Variants in ADAMTSL3 observed in about 807,000 individuals in gnomAD.
The protein encoded by ADAMTSL3 is ADAMTS like 3, also known as ADAMTS-like protein 3.
In ADAMTSL3, 128 loss-of-function variants were observed where a neutral mutation model predicts 201.7. The observed-to-expected ratio is 0.63, with a 90% confidence interval of 0.55 to 0.73. ADAMTSL3 has a LOEUF of 0.73. Among genes scored for constraint, ADAMTSL3 ranks in the 30% least tolerant of loss-of-function variants. ADAMTSL3 has a pLI of 0.00. For missense variants in ADAMTSL3, 1,990 were observed against 2,119.6 expected (o/e 0.94, Z 1.20); for synonymous variants, 738 against 748.4 (o/e 0.99, Z 0.23).
At position 84,036,788 on chromosome 15, in the gene ADAMTSL3, G is replaced by A; in HGVS notation, c.4770G>A (p.Arg1590=). ...CDDRKRPTLR[R]NCTSGACDVC... is the part of the protein sequence containing the mutation. Reference sequence around the variant, plus strand: ...TTCACTTCAGACCCACCTTAAGAAGGAACTGCACATCAGGGGCCTGTGATG... The same window carrying A: ...TTCACTTCAGACCCACCTTAAGAAGAAACTGCACATCAGGGGCCTGTGATG... The change falls in exon 29 of 30, where the codon AGG becomes AGA. Residue 1590 remains arginine (R), a synonymous_variant. Coordinates refer to ENST00000286744, the MANE Select transcript of ADAMTSL3 (RefSeq NM_207517.3). 6.2e-7 allele frequency: 1 copy of A among 1,609,920 alleles called. No individual in the cohort carries two copies. Among genetic ancestry groups the A allele is most frequent in the Non-Finnish European group, 8.5e-7 (1 of 1,177,366 alleles).
chr15:83,754,901 A>G (rs990038882), intron 3 of ADAMTSL3, among the ~76,000 whole-genome samples: 8 of 152,212 alleles, frequency 5.3e-5, no homozygotes, highest in Non-Finnish European at 7.3e-5. Context: ...AAAATTTCAT[A>G]TTTAAATTTT....
intron 3 of ADAMTSL3, among the ~76,000 whole-genome samples, chr15:83,771,385 T>C (rs971632449): frequency 6.6e-6 from 1 of 152,194 alleles, no homozygotes; most frequent in Non-Finnish European, 1.5e-5. Flanking sequence ...AGCAGATCTC[T>C]AGAACTTTTT....
chr15:83,959,176 A>G (rs2066911969), intron 19 of ADAMTSL3, among the ~76,000 whole-genome samples: 1 of 152,238 alleles, frequency 6.6e-6, no homozygotes, highest in Non-Finnish European at 1.5e-5. Context: ...CTGTAATCCC[A>G]ACACTTTGGG....
intron 19 of ADAMTSL3, among the ~76,000 whole-genome samples, chr15:83,964,595 C>T (rs1876566770): frequency 6.6e-6 from 1 of 152,172 alleles, no homozygotes. Context: ...TTGGAAAACA[C>T]TCTTCAGGAT....
intron 6 of ADAMTSL3, among the ~76,000 whole-genome samples, chr15:83,827,956 C>T (rs975116280): frequency 6.6e-6 from 1 of 152,140 alleles, no homozygotes; most frequent in Middle Eastern, 3.2e-3. Flanking sequence ...TAACGTGATG[C>T]CTCCAGCTTT....
intron 3 of ADAMTSL3, among the ~76,000 whole-genome samples, chr15:83,767,126 C>G (rs1465968110): frequency 6.6e-6 from 1 of 152,022 alleles, no homozygotes; most frequent in African/African-American, 2.4e-5. Flanking sequence ...ATCGATGAGC[C>G]TTGGACACAC....
intron 3 of ADAMTSL3, among the ~76,000 whole-genome samples, chr15:83,705,846 G>C (rs185386708): frequency 4.6e-5 from 7 of 152,292 alleles, no homozygotes; most frequent in African/African-American, 1.7e-4. Flanking sequence ...GGTCATTGGG[G>C]CAAGAGTGGG....
At chr15:83,875,014 A>G (rs997157863) in intron 9 of ADAMTSL3, among the ~76,000 whole-genome samples, 1 of 147,374 alleles carries the variant, frequency 6.8e-6, no homozygotes, top group Non-Finnish European at 1.5e-5. Context: ...TCACGTGCCC[A>G]CTCTATACCA....
intron 3 of ADAMTSL3, among the ~76,000 whole-genome samples, chr15:83,763,964 G>A (rs1427264273): frequency 1.3e-5 from 2 of 152,212 alleles, no homozygotes; most frequent in African/African-American, 4.8e-5. Flanking sequence ...CACAGGTGCT[G>A]AGAATCCTAC....
chr15:83,811,207 C>A (rs1228802162), intron 5 of ADAMTSL3, among the ~76,000 whole-genome samples: 3 of 152,174 alleles, frequency 2.0e-5, no homozygotes, highest in Non-Finnish European at 2.9e-5. Context: ...GGGGTTAGGT[C>A]ATGGACATCT....
intron 6 of ADAMTSL3, among the ~76,000 whole-genome samples, chr15:83,826,101 GATTAAGGATGT>G (rs1197180834): frequency 6.6e-6 from 1 of 152,058 alleles, no homozygotes; most frequent in African/African-American, 2.4e-5. Context: ...AAATTCTAAA[GATTAAGGATGT>G]ATTTTTTTTT....
At chr15:83,948,212 T>C (rs886834276) in intron 19 of ADAMTSL3, among the ~76,000 whole-genome samples, 1 of 152,194 alleles carries the variant, frequency 6.6e-6, no homozygotes, top group Admixed American at 6.5e-5. Context: ...AAGTAGTGTG[T>C]TGAAGTCAGT....
intron 7 of ADAMTSL3, among the ~76,000 whole-genome samples, chr15:83,849,721 G>A (rs911558727): frequency 1.3e-5 from 2 of 152,144 alleles, no homozygotes; most frequent in African/African-American, 4.8e-5. Context: ...CCATTCTGAA[G>A]GGTAAGATAA....
At chr15:83,678,825 AATATATATAAAT>A (rs2061441397) in intron 2 of ADAMTSL3, among the ~76,000 whole-genome samples, 1 of 144,406 alleles carries the variant, frequency 6.9e-6, no homozygotes, top group African/African-American at 2.5e-5. Context: ...ATAAAATATA[AATATATATAAAT>A]ATATATATAA....
At chr15:83,732,147 C>T (rs140562283) in intron 3 of ADAMTSL3, among the ~76,000 whole-genome samples, 1,689 of 152,100 alleles carry the variant, frequency 0.011, 22 homozygotes, top group Middle Eastern at 0.024. Flanking sequence ...GTACCTCTTA[C>T]ATATGTACAG....
chr15:83,923,001 C>T (rs978728506), intron 16 of ADAMTSL3, among the ~76,000 whole-genome samples: 4 of 151,922 alleles, frequency 2.6e-5, no homozygotes, highest in Non-Finnish European at 5.9e-5. Flanking sequence ...TTTGTCCCAG[C>T]GGACAAAGAA....
rs1567165670 is a variant in ADAMTSL3 at position 83,819,883 on chromosome 15, CAT to C, written c.437_438del (p.His146LeufsTer3). On this transcript the variant is annotated frameshift_variant, in exon 6 of 30. Transcript: ENST00000286744. LOFTEE classifies it high-confidence loss of function. The part of the protein sequence containing the change: ...SAYNDVQYQG[H>X]YYEWLPRYND... ...CTACAATGATGTCCAGTATCAGGGG[CAT>C]TACTATGAATGGCTTCCACGATATA... 9.3e-6 allele frequency: 15 copies of C among 1,614,034 alleles called. No individual in the cohort carries two copies. In the Middle Eastern group the frequency reaches 6.6e-4, roughly 71 times the overall value.
intron 23 of ADAMTSL3, among the ~76,000 whole-genome samples, chr15:83,999,439 T>A (rs1007324935): frequency 2.0e-5 from 3 of 152,254 alleles, no homozygotes; most frequent in Non-Finnish European, 4.4e-5. Flanking sequence ...GCATTAAAAT[T>A]AAAATGTCTA....
intron 17 of ADAMTSL3, among the ~76,000 whole-genome samples, 155 bp downstream of exon 17, chr15:83,924,188 A>C (rs1001881789): frequency 1.3e-5 from 2 of 152,264 alleles, no homozygotes. Flanking sequence ...TGCTCCAGCC[A>C]GATTCTTGCC....
Sources: gnomAD v4.1 joint callset for allele counts (sites outside exome capture counted in the v4.1 genomes callset) on GRCh38, gnomAD v4.1.1 for gene constraint, MANE v1.5 for transcripts, NCBI Gene and HGNC (gene_info 2026-07-23, HGNC 2026-07-21) for gene names.